Variants in NCKAP5 observed in about 807,000 individuals in gnomAD.
NCKAP5 encodes the protein nck-associated protein 5.
A neutral mutation model predicts 167.0 loss-of-function variants in NCKAP5; 92 were observed. The ratio of observed to expected loss-of-function variants is 0.55; its 90% CI spans 0.47 to 0.66. NCKAP5 has a LOEUF of 0.66. Among genes scored for constraint, NCKAP5 ranks in the 30% least tolerant of loss-of-function variants. The probability of loss-of-function intolerance (pLI) is 0.00; values close to 1 mark genes in which losing one functional copy is unlikely to be tolerated. For synonymous variants in NCKAP5, 891 were observed against 877.4 expected (o/e 1.02, Z -0.27); for missense variants, 2,378 against 2,315.0 (o/e 1.03, Z -0.56).
chr2:133,432,551 A>T (rs1426562896), intron 3 of NCKAP5, among the ~76,000 whole-genome samples: 1 of 152,172 alleles, frequency 6.6e-6, no homozygotes, highest in East Asian at 1.9e-4. Flanking sequence ...TCGGCTCCAA[A>T]TACAAGCCTG....
chr2:133,041,434 G>A (rs1260908881), intron 6 of NCKAP5, among the ~76,000 whole-genome samples: 1 of 152,074 alleles, frequency 6.6e-6, no homozygotes, highest in African/African-American at 2.4e-5. Flanking sequence ...TTCATTTGTT[G>A]CACGAATTTT....
intron 6 of NCKAP5, among the ~76,000 whole-genome samples, chr2:133,059,974 C>T (rs1009333655): frequency 6.6e-6 from 1 of 151,790 alleles, no homozygotes; most frequent in East Asian, 1.9e-4. Context: ...GTTCCCTCAC[C>T]AACAAAATCA....
intron 3 of NCKAP5, among the ~76,000 whole-genome samples, chr2:133,449,479 G>A (rs370644782): frequency 5.3e-5 from 8 of 152,260 alleles, no homozygotes; most frequent in East Asian, 1.9e-4. Flanking sequence ...GGGAACACAC[G>A]TTCTCCCTAA....
At chr2:133,237,081 T>TA (rs1050107835) in intron 4 of NCKAP5, among the ~76,000 whole-genome samples, 6 of 151,624 alleles carry the variant, frequency 4.0e-5, no homozygotes, top group Admixed American at 2.0e-4. Flanking sequence ...GTATCAAATT[T>TA]AAAAAAAAGA....
intron 12 of NCKAP5, among the ~76,000 whole-genome samples, chr2:132,793,651 C>T (rs1308536496): frequency 6.6e-6 from 1 of 152,170 alleles, no homozygotes; most frequent in African/African-American, 2.4e-5. Flanking sequence ...GTTGTGGTAC[C>T]TCACTGTCTG....
intron 5 of NCKAP5, among the ~76,000 whole-genome samples, chr2:133,164,445 C>G (rs1433136802): frequency 1.3e-5 from 2 of 152,148 alleles, no homozygotes; most frequent in African/African-American, 4.8e-5. Context: ...TCATTTGCTT[C>G]CCTTTGTTTT....
intron 19 of NCKAP5, among the ~76,000 whole-genome samples, chr2:132,696,871 C>G (rs1687365911): frequency 6.6e-6 from 1 of 152,064 alleles, no homozygotes; most frequent in Non-Finnish European, 1.5e-5. Flanking sequence ...CTAACATCCT[C>G]ATGCTTCTTA....
intron 3 of NCKAP5, among the ~76,000 whole-genome samples, chr2:133,377,387 A>T (rs1015702283): frequency 6.6e-6 from 1 of 152,234 alleles, no homozygotes; most frequent in Non-Finnish European, 1.5e-5. Context: ...AAAATGACAG[A>T]GCAAGCTTCT....
At chr2:133,121,998 C>T (rs1191177807) in intron 6 of NCKAP5, 1 of 152,180 alleles carries the variant, frequency 6.6e-6, no homozygotes, top group African/African-American at 2.4e-5. Context: ...TACTTTATGA[C>T]TTCGTCATTT....
At chr2:133,196,341 G>A in intron 5 of NCKAP5, among the ~76,000 whole-genome samples, 1 of 152,146 alleles carries the variant, frequency 6.6e-6, no homozygotes, top group Non-Finnish European at 1.5e-5. Flanking sequence ...TGGTGGCTGG[G>A]GATGGGTCAG....
At chr2:132,900,163 G>T (rs572873372) in intron 8 of NCKAP5, among the ~76,000 whole-genome samples, 10 of 152,206 alleles carry the variant, frequency 6.6e-5, no homozygotes, top group African/African-American at 2.2e-4. Flanking sequence ...AAAGAACACT[G>T]ATCACAGATT....
intron 6 of NCKAP5, among the ~76,000 whole-genome samples, chr2:133,007,284 C>T (rs987662793): frequency 6.6e-6 from 1 of 152,126 alleles, no homozygotes; most frequent in African/African-American, 2.4e-5. Context: ...TATGTTGATA[C>T]TTGTTTTTAT....
At chr2:132,844,948 G>A (rs568571064) in intron 11 of NCKAP5, among the ~76,000 whole-genome samples, 4 of 152,054 alleles carry the variant, frequency 2.6e-5, no homozygotes, top group Non-Finnish European at 5.9e-5. Context: ...TGAGTAGAGG[G>A]TACTTCAAAA....
rs554499992 is a variant in NCKAP5 at position 133,565,263 on chromosome 2, C to A, written c.-130+2953G>T. 1.3e-4 allele frequency among the ~76,000 whole-genome samples: 20 copies of A among 152,292 alleles called. No individual in the cohort carries two copies. The South Asian group carries it at 4.1e-3, about 32-fold the overall frequency. ...TTTTTAACCATGGCTGGATCTGAAT[C>A]CCACCTTAGAGGTCATGATTCAGTA... On this transcript the variant is annotated intron_variant, in intron 1 of 19. Transcript: ENST00000409261.
intron 5 of NCKAP5, among the ~76,000 whole-genome samples, chr2:133,205,438 A>G (rs912243426): frequency 2.0e-5 from 3 of 152,168 alleles, no homozygotes; most frequent in Non-Finnish European, 4.4e-5. Context: ...ATTCCTATAT[A>G]TGTGTGGGTC....
At chr2:133,616,192 G>C in the NCKAP5 span, among the ~76,000 whole-genome samples, 7 of 149,738 alleles carry the variant, frequency 4.7e-5, no homozygotes, top group Non-Finnish European at 9.0e-5. Context: ...GCCCACAAGA[G>C]AAAGCAGGAA....
intron 19 of NCKAP5, 66 bp from the exon 20 acceptor site, chr2:132,673,371 A>G: frequency 7.9e-7 from 1 of 1,267,928 alleles, no homozygotes; most frequent in Non-Finnish European, 1.1e-6. Context: ...CCTATCTAAT[A>G]TTCAATTATT....
At chr2:133,614,944 G>T in the NCKAP5 span, among the ~76,000 whole-genome samples, 1 of 152,114 alleles carries the variant, frequency 6.6e-6, no homozygotes. Context: ...GACTAACAGC[G>T]GATCTCTCAG....
intron 6 of NCKAP5, among the ~76,000 whole-genome samples, chr2:133,012,862 A>G (rs2078210002): frequency 6.6e-6 from 1 of 151,834 alleles, no homozygotes; most frequent in Non-Finnish European, 1.5e-5. Context: ...TGTCTTTCCC[A>G]TTACCTACTG....
Sources: gnomAD v4.1 joint callset for allele counts (sites outside exome capture counted in the v4.1 genomes callset) on GRCh38, gnomAD v4.1.1 for gene constraint, MANE v1.5 for transcripts, NCBI Gene and HGNC (gene_info 2026-07-23, HGNC 2026-07-21) for gene names.